The following ERBIN variants were observed in gnomAD, a reference collection of about 807,000 sequenced individuals.
ERBIN encodes the protein densin-180-like protein.
Under a neutral mutation model 158.4 loss-of-function variants are expected in ERBIN, and 60 were observed. The ratio of observed to expected loss-of-function variants is 0.38; its 90% confidence interval spans 0.31 to 0.47. ERBIN has a LOEUF of 0.47. Among genes scored for constraint, ERBIN ranks in the 20% least tolerant of loss-of-function variants. ERBIN has a pLI of 0.99. For synonymous variants in ERBIN, 594 were observed against 557.2 expected (o/e 1.07, Z -0.93); for missense variants, 1,610 against 1,648.0 (o/e 0.98, Z 0.40).
intron 1 of ERBIN, among the ~76,000 whole-genome samples, chr5:65,960,429 C>T (rs942009178): frequency 9.6e-4 from 146 of 152,230 alleles, no homozygotes; most frequent in African/African-American, 3.3e-3. Context: ...GAGTTGTACA[C>T]CTAAGACCTC....
intron 17 of ERBIN, among the ~76,000 whole-genome samples, chr5:66,046,092 A>C (rs1419744249): frequency 2.9e-5 from 4 of 136,382 alleles, no homozygotes; most frequent in Non-Finnish European, 5.9e-5. Flanking sequence ...GTCCACACTT[A>C]CAAGCCTTGG....
chr5:66,044,480 A>T lies in ERBIN; in HGVS notation c.1602+170A>T, dbSNP rs116579953. 7.6e-3 allele frequency among the ~76,000 whole-genome samples: 1,157 copies of T among 152,284 alleles called. 6 individuals are homozygous for T. The highest frequency in any genetic ancestry group is 0.038 in the South Asian group (181 of 4,820). On this transcript the variant is annotated intron_variant, in intron 17 of 25. Coordinates refer to ENST00000284037, the MANE Select transcript of ERBIN (RefSeq NM_001253697.2). The stretch of plus-strand genomic sequence containing the variant: ...ATGATGGTGGTCCTATAAGAGTATA[A>T]GGGGCTGGGCGTGGTGGCTCACACC...
chr5:65,977,563 G>A (rs1750111933), intron 1 of ERBIN, among the ~76,000 whole-genome samples: 1 of 151,772 alleles, frequency 6.6e-6, no homozygotes, highest in African/African-American at 2.4e-5. Context: ...ACGATGGGCG[G>A]CCGGGCAGAG....
At chr5:65,939,134 GA>G (rs1744450187) in intron 1 of ERBIN, among the ~76,000 whole-genome samples, 1 of 151,968 alleles carries the variant, frequency 6.6e-6, no homozygotes, top group Non-Finnish European at 1.5e-5. Flanking sequence ...AATTTGAGAA[GA>G]AAATCAATAA....
At chr5:66,024,590 A>G in intron 10 of ERBIN, 140 bp downstream of exon 10, 1 of 795,150 alleles carries the variant, frequency 1.3e-6, no homozygotes, top group Non-Finnish European at 1.9e-6. Flanking sequence ...TCCTGGTGTG[A>G]TCAGTTGTAC....
Position 66,031,141 on chromosome 5 carries a change from A to T in ERBIN, c.1206+2798A>T, listed in dbSNP as rs12657280. Among the ~76,000 whole-genome samples, 183 of 152,298 alleles carry T rather than the reference A, an allele frequency of 1.2e-3. 3 individuals are homozygous for T. In the East Asian group the frequency reaches 0.032, roughly 27 times the overall value. On this transcript the variant is annotated intron_variant, in intron 14 of 25. Transcript: ENST00000284037. ...GAAGCAATAATTTTGCTATGAAAGAATGACATGTAGAGGAGAAGGTATACA... is the reference window on the plus strand; with the variant it reads ...GAAGCAATAATTTTGCTATGAAAGATTGACATGTAGAGGAGAAGGTATACA...
intron 17 of ERBIN, 102 bp downstream of exon 17, chr5:66,044,412 A>G (rs762621369): frequency 3.8e-5 from 40 of 1,047,776 alleles, no homozygotes; most frequent in Non-Finnish European, 5.2e-5. Flanking sequence ...ATGTGCAGTC[A>G]TGCACCACAG....
intron 1 of ERBIN, among the ~76,000 whole-genome samples, chr5:65,958,814 A>G (rs1747589391): frequency 1.3e-5 from 2 of 152,200 alleles, no homozygotes; most frequent in South Asian, 2.1e-4. Context: ...TGTGTTCAAC[A>G]CTTTCTTATA....
At chr5:66,006,644 T>C (rs1228803891) in intron 4 of ERBIN, among the ~76,000 whole-genome samples, 5 of 152,134 alleles carry the variant, frequency 3.3e-5, no homozygotes, top group African/African-American at 7.2e-5. Context: ...AATCTACTTA[T>C]CTGACAAAGG....
At chr5:66,010,193 A>G (rs1754058445) in intron 4 of ERBIN, among the ~76,000 whole-genome samples, 1 of 152,068 alleles carries the variant, frequency 6.6e-6, no homozygotes, top group African/African-American at 2.4e-5. Flanking sequence ...TGACCTTGAT[A>G]GTTTTGAAAG....
chr5:66,021,247 GT>G, intron 7 of ERBIN, 74 bp from the exon 8 acceptor site: 1 of 860,304 alleles, frequency 1.2e-6, no homozygotes, highest in Non-Finnish European at 1.9e-6. Flanking sequence ...CCATAAGAAT[GT>G]TTTAGACTGT....
intron 17 of ERBIN, 123 bp from the exon 18 acceptor site, chr5:66,046,230 T>C: frequency 2.0e-6 from 1 of 506,700 alleles, no homozygotes. Context: ...ATGTTTAAAG[T>C]TTTCATGTTT....
chr5:65,999,480 G>A (rs1034154810), intron 4 of ERBIN, among the ~76,000 whole-genome samples: 2 of 152,126 alleles, frequency 1.3e-5, no homozygotes, highest in African/African-American at 4.8e-5. Flanking sequence ...CAGGGGAATC[G>A]GAATAACCAC....
intron 1 of ERBIN, among the ~76,000 whole-genome samples, chr5:65,960,432 A>G (rs1317601860): frequency 6.6e-6 from 1 of 152,214 alleles, no homozygotes; most frequent in Non-Finnish European, 1.5e-5. Context: ...TTGTACACCT[A>G]AGACCTCTGC....
At chr5:65,990,250 G>A (rs774988296) in intron 2 of ERBIN, among the ~76,000 whole-genome samples, 2 of 152,140 alleles carry the variant, frequency 1.3e-5, no homozygotes, top group South Asian at 2.1e-4. Flanking sequence ...AGAAGAGCAC[G>A]GACTCAGTTT....
At chr5:65,993,232 A>T (rs116773012) in intron 3 of ERBIN, among the ~76,000 whole-genome samples, 1,764 of 152,344 alleles carry the variant, frequency 0.012, 36 homozygotes, top group African/African-American at 0.038. Flanking sequence ...ATTGAAATTA[A>T]TGCTGTCTTT....
chr5:65,954,238 A>C lies in ERBIN; in HGVS notation c.-58+27432A>C, dbSNP rs140450542. ...CTCGAGAGTAATACATTTTGAAAAT[A>C]ATCTGTGGGGGAGAGGAGAAGGAAA... On this transcript the variant is annotated intron_variant, in intron 1 of 25. Transcript: ENST00000284037. 2.3e-3 allele frequency among the ~76,000 whole-genome samples: 347 copies of C among 152,274 alleles called. 4 individuals are homozygous for C. The highest frequency in any genetic ancestry group is 8.0e-3 in the African/African-American group (331 of 41,540).
At chr5:66,052,292 G>C (rs36299) in intron 20 of ERBIN, among the ~76,000 whole-genome samples, 1 of 151,908 alleles carries the variant, frequency 6.6e-6, no homozygotes, top group Non-Finnish European at 1.5e-5. Context: ...TTAAATTTCA[G>C]GCATATTTAA....
At chr5:66,077,799 C>CAT (rs1169678323) in intron 25 of ERBIN, among the ~76,000 whole-genome samples, 3 of 144,076 alleles carry the variant, frequency 2.1e-5, no homozygotes, top group South Asian at 4.2e-4. Flanking sequence ...CACACATACA[C>CAT]ACACACACAC....
Sources: gnomAD v4.1 joint callset for allele counts (sites outside exome capture counted in the v4.1 genomes callset) on GRCh38, gnomAD v4.1.1 for gene constraint, MANE v1.5 for transcripts, NCBI Gene and HGNC (gene_info 2026-07-23, HGNC 2026-07-21) for gene names.